The following SEMA6D variants were observed in gnomAD, a reference collection of about 807,000 sequenced individuals.
The protein encoded by SEMA6D is semaphorin 6D.
A neutral mutation model predicts 106.6 loss-of-function variants in SEMA6D; 35 were observed. The observed-to-expected ratio is 0.33, with a 90% confidence interval of 0.25 to 0.44. The LOEUF is 0.44. Among genes scored for constraint, SEMA6D ranks in the 20% least tolerant of loss-of-function variants. SEMA6D has a pLI of 1.00. For synonymous variants in SEMA6D, 499 were observed against 487.7 expected (o/e 1.02, Z -0.31); for missense variants, 1,185 against 1,345.9 (o/e 0.88, Z 1.87).
chr15:47,538,210 G>A (rs759523286), intron 3 of SEMA6D, among the ~76,000 whole-genome samples: 9 of 152,088 alleles, frequency 5.9e-5, no homozygotes, highest in Non-Finnish European at 1.3e-4. Context: ...CAGGATCCAG[G>A]ACATTCCTAA....
At chr15:47,670,550 A>C (rs1009838943) in intron 4 of SEMA6D, among the ~76,000 whole-genome samples, 4 of 152,238 alleles carry the variant, frequency 2.6e-5, no homozygotes, top group African/African-American at 9.6e-5. Flanking sequence ...ATTTCTTCCC[A>C]GCAGTGTAGA....
At chr15:47,537,765 A>C (rs1487017942) in intron 3 of SEMA6D, among the ~76,000 whole-genome samples, 1 of 152,168 alleles carries the variant, frequency 6.6e-6, no homozygotes, top group Non-Finnish European at 1.5e-5. Context: ...AATCAAGGAT[A>C]AATGACGTGT....
intron 3 of SEMA6D, among the ~76,000 whole-genome samples, chr15:47,530,018 T>A (rs2044902529): frequency 6.6e-6 from 1 of 152,164 alleles, no homozygotes; most frequent in East Asian, 1.9e-4. Flanking sequence ...AAGTTCTCAC[T>A]GCCATAGGGA....
intron 1 of SEMA6D, among the ~76,000 whole-genome samples, chr15:47,257,822 CATCTG>C (rs1278453574): frequency 1.3e-5 from 2 of 151,914 alleles, no homozygotes; most frequent in Non-Finnish European, 2.9e-5. Flanking sequence ...TTCTTCAGAT[CATCTG>C]ATTTTTCTGC....
At chr15:47,675,614 G>T (rs2078228542) in intron 4 of SEMA6D, among the ~76,000 whole-genome samples, 1 of 152,120 alleles carries the variant, frequency 6.6e-6, no homozygotes, top group African/African-American at 2.4e-5. Context: ...TCCCTAAGAG[G>T]CATTGATATC....
At chr15:47,573,309 A>G (rs943961427) in intron 3 of SEMA6D, among the ~76,000 whole-genome samples, 1 of 151,994 alleles carries the variant, frequency 6.6e-6, no homozygotes, top group Non-Finnish European at 1.5e-5. Flanking sequence ...CCAAAAAAAA[A>G]TCAGAAAATA....
chr15:47,189,921 G>A (rs548062132), intron 1 of SEMA6D, among the ~76,000 whole-genome samples: 1 of 152,288 alleles, frequency 6.6e-6, no homozygotes, highest in East Asian at 1.9e-4. Context: ...TCACTGACAT[G>A]CAAATTAACT....
chr15:47,531,712 T>C (rs2044975946), intron 3 of SEMA6D, among the ~76,000 whole-genome samples: 1 of 152,216 alleles, frequency 6.6e-6, no homozygotes, highest in South Asian at 2.1e-4. Flanking sequence ...CAGGACACAA[T>C]GCTTTATTGG....
intron 1 of SEMA6D, among the ~76,000 whole-genome samples, chr15:47,186,790 A>G (rs987215187): frequency 2.0e-5 from 3 of 152,144 alleles, no homozygotes; most frequent in Non-Finnish European, 4.4e-5. Context: ...AATTTTAGCT[A>G]GTAGCTTGTT....
chr15:47,521,167 CATTCA>C (rs1356564974), intron 3 of SEMA6D, among the ~76,000 whole-genome samples: 1 of 152,178 alleles, frequency 6.6e-6, no homozygotes, highest in Non-Finnish European at 1.5e-5. Context: ...GTTATGCATT[CATTCA>C]CATGACCTGG....
chr15:47,239,217 G>A (rs183828054), intron 1 of SEMA6D, among the ~76,000 whole-genome samples: 1,778 of 152,294 alleles, frequency 0.012, 33 homozygotes, highest in Admixed American at 0.012. Flanking sequence ...TCTAATGCCT[G>A]ATGATCTGTC....
At chr15:47,309,320 C>T (rs926529862) in intron 1 of SEMA6D, among the ~76,000 whole-genome samples, 2 of 152,176 alleles carry the variant, frequency 1.3e-5, no homozygotes, top group Non-Finnish European at 2.9e-5. Context: ...TTCTGTCCCA[C>T]CTGGGATGTG....
At chr15:47,611,721 GAGCACTAGAAAA>G (rs1255693966) in intron 4 of SEMA6D, among the ~76,000 whole-genome samples, 1 of 152,166 alleles carries the variant, frequency 6.6e-6, no homozygotes, top group Non-Finnish European at 1.5e-5. Context: ...CACAGTCCTG[GAGCACTAGAAAA>G]AGCATTAAAT....
At chr15:47,689,525 A>T (rs1338228748) in intron 4 of SEMA6D, among the ~76,000 whole-genome samples, 1 of 152,264 alleles carries the variant, frequency 6.6e-6, no homozygotes, top group Non-Finnish European at 1.5e-5. Flanking sequence ...GATGATAGGA[A>T]AAAAGAAAAT....
intron 1 of SEMA6D, among the ~76,000 whole-genome samples, chr15:47,740,587 T>C (rs1472134145): frequency 6.6e-6 from 1 of 152,024 alleles, no homozygotes; most frequent in East Asian, 1.9e-4. Flanking sequence ...CCCTCTGATA[T>C]AGTTTTCTCT....
intron 3 of SEMA6D, among the ~76,000 whole-genome samples, chr15:47,571,488 T>A (rs2046381398): frequency 6.6e-6 from 1 of 152,228 alleles, no homozygotes; most frequent in Non-Finnish European, 1.5e-5. Context: ...GCAATGAATT[T>A]GATTAAACAT....
At chr15:47,207,708 T>A (rs1355583318) in intron 1 of SEMA6D, among the ~76,000 whole-genome samples, 1 of 152,074 alleles carries the variant, frequency 6.6e-6, no homozygotes, top group East Asian at 1.9e-4. Context: ...CTAGGCCATA[T>A]TTTTCATGAA....
chr15:47,361,560 C>G (rs1220743807), intron 1 of SEMA6D, among the ~76,000 whole-genome samples: 5 of 152,218 alleles, frequency 3.3e-5, no homozygotes, highest in Non-Finnish European at 7.3e-5. Context: ...CTACTCACTG[C>G]CTCCCAGCTA....
intron 4 of SEMA6D, among the ~76,000 whole-genome samples, chr15:47,615,239 G>A (rs912345234): frequency 6.6e-6 from 1 of 152,128 alleles, no homozygotes; most frequent in East Asian, 1.9e-4. Flanking sequence ...TATTTACATA[G>A]CATTTACATT....
Sources: gnomAD v4.1 joint callset for allele counts (sites outside exome capture counted in the v4.1 genomes callset) on GRCh38, gnomAD v4.1.1 for gene constraint, MANE v1.5 for transcripts, NCBI Gene and HGNC (gene_info 2026-07-23, HGNC 2026-07-21) for gene names.